The following FRY variants were observed in gnomAD, a reference collection of about 807,000 sequenced individuals.
FRY encodes protein furry homolog.
A neutral mutation model predicts 348.4 loss-of-function variants in FRY; 128 were observed. That is an observed-to-expected ratio of 0.37 (90% CI 0.32 to 0.43). The LOEUF (loss-of-function observed/expected upper bound fraction) is 0.43, where lower values mean the gene tolerates loss of function less well. Ranked by LOEUF, FRY falls within the 20% of genes least tolerant of loss-of-function variation. The probability of loss-of-function intolerance (pLI) is 1.00; values close to 1 mark genes in which losing one functional copy is unlikely to be tolerated. For missense variants in FRY, 2,736 were observed against 3,695.2 expected (o/e 0.74, Z 6.73); for synonymous variants, 1,370 against 1,374.7 (o/e 1.00, Z 0.08).
intron 58 of FRY, among the ~76,000 whole-genome samples, chr13:32,288,349 G>A (rs969134023): frequency 4.6e-5 from 7 of 152,160 alleles, no homozygotes; most frequent in African/African-American, 1.7e-4. Context: ...TAATTAGTCA[G>A]TGTAGCTGCT....
chr13:32,041,769 G>T (rs1037464494), intron 1 of FRY, among the ~76,000 whole-genome samples: 6 of 152,180 alleles, frequency 3.9e-5, no homozygotes, highest in African/African-American at 1.4e-4. Flanking sequence ...GAAAATCAGA[G>T]ATGTTTTTGT....
At chr13:32,238,961 C>A (rs1886363905) in intron 44 of FRY, among the ~76,000 whole-genome samples, 2 of 152,172 alleles carry the variant, frequency 1.3e-5, no homozygotes, top group Non-Finnish European at 2.9e-5. Context: ...CTCAGTTTGG[C>A]TCAGTTCAAT....
intron 55 of FRY, among the ~76,000 whole-genome samples, chr13:32,268,675 A>AT (rs1465336469): frequency 1.4e-5 from 2 of 144,662 alleles, no homozygotes; most frequent in African/African-American, 2.6e-5. Context: ...TCAATTTCCT[A>AT]TTTTTTGGGG....
chr13:32,291,328 T>C (rs1889344932), intron 59 of FRY, among the ~76,000 whole-genome samples: 1 of 152,172 alleles, frequency 6.6e-6, no homozygotes, highest in Non-Finnish European at 1.5e-5. Flanking sequence ...TTATAAGTTG[T>C]CAGATAATAG....
intron 14 of FRY, among the ~76,000 whole-genome samples, chr13:32,155,243 A>G (rs1046116539): frequency 1.3e-5 from 2 of 152,002 alleles, no homozygotes; most frequent in African/African-American, 4.8e-5. Flanking sequence ...AATATAGTAC[A>G]TGACCATCTC....
chr13:32,206,197 G>C (rs901661932), intron 31 of FRY, among the ~76,000 whole-genome samples: 1 of 152,108 alleles, frequency 6.6e-6, no homozygotes, highest in African/African-American at 2.4e-5. Flanking sequence ...GGAATGGAGA[G>C]AGCACAGAGT....
At chr13:32,179,836 A>C in intron 23 of FRY, 37 bp downstream of exon 23, 2 of 1,597,010 alleles carry the variant, frequency 1.3e-6, no homozygotes, top group East Asian at 4.5e-5. Context: ...AAATTCATAC[A>C]TGCTGCTGCT....
chr13:32,100,301 C>T (rs1232609733), intron 2 of FRY, among the ~76,000 whole-genome samples: 3 of 151,682 alleles, frequency 2.0e-5, no homozygotes, highest in Admixed American at 6.6e-5. Flanking sequence ...GGATGGTCTC[C>T]ATCTCTTGAC....
intron 31 of FRY, among the ~76,000 whole-genome samples, chr13:32,208,225 C>T (rs1018534741): frequency 1.3e-5 from 2 of 152,166 alleles, no homozygotes; most frequent in Non-Finnish European, 1.5e-5. Context: ...CCTAGAGATC[C>T]GCATGTCACT....
chr13:32,209,671 C>T lies in FRY; in HGVS notation c.4362C>T (p.Ile1454=). Residue 1454 remains isoleucine, a synonymous_variant, in exon 33 of 61, where the codon ATC becomes ATT. Coordinates refer to ENST00000542859, the MANE Select transcript of FRY (RefSeq NM_023037.3). ...AGAAATGGAGCAACAACCTGAGGAT[C>T]ACCTTGCAGTTCCTGATTAGCCTCT... ...NNEKWSNNLR[I]TLQFLISLCG... 1 of 1,614,022 alleles carries T rather than the reference C, an allele frequency of 6.2e-7. No individual in the cohort carries two copies. Among genetic ancestry groups the T allele is most frequent in the East Asian group, 2.2e-5 (1 of 44,886 alleles).
Position 32,295,379 on chromosome 13 carries a change from G to T in FRY, c.8961G>T (p.Arg2987=), listed in dbSNP as rs767322006. 2.5e-6 allele frequency: 4 copies of T among 1,613,360 alleles called. No individual in the cohort carries two copies. Among genetic ancestry groups the T allele is most frequent in the Non-Finnish European group, 3.4e-6 (4 of 1,179,884 alleles). ...TGATGGAGCTGAACATGGAGATCCG[G>T]GACATGATCCGCAGGGCCCAGAGTT... The part of the protein sequence containing the change: ...TKLMELNMEI[R]DMIRRAQSYR... The change falls in exon 61 of 61, where the codon CGG becomes CGT. Residue 2987 remains arginine, a synonymous_variant. Coordinates refer to ENST00000542859, the MANE Select transcript of FRY (RefSeq NM_023037.3).
chr13:32,083,429 C>T (rs571103833), intron 2 of FRY, among the ~76,000 whole-genome samples: 10 of 152,222 alleles, frequency 6.6e-5, no homozygotes, highest in African/African-American at 2.4e-4. Context: ...TCTGCTAACT[C>T]TTCTGTTTGT....
rs760244838 is a variant in FRY, at chr13:32,294,351, C to A, written c.8581-17C>A. On this transcript the variant is annotated splice_polypyrimidine_tract_variant and intron_variant, in intron 59 of 60. Coordinates refer to ENST00000542859, the MANE Select transcript of FRY (RefSeq NM_023037.3). ...CAGCACCTAAATATAGTTTAAAAAA[C>A]ATTTTTTTTTAAATAGCTGCTGAAT... 19 of 1,582,540 alleles carry A rather than the reference C, an allele frequency of 1.2e-5. 1 individual carries two copies. In the East Asian group the frequency reaches 3.8e-4, roughly 32 times the overall value.
chr13:32,099,052 T>A (rs1876973050), intron 2 of FRY, among the ~76,000 whole-genome samples: 2 of 151,904 alleles, frequency 1.3e-5, no homozygotes, highest in African/African-American at 4.8e-5. Flanking sequence ...GGTAAGATCA[T>A]CTTTGTGAGT....
At chr13:32,086,219 A>G (rs1037431081) in intron 2 of FRY, among the ~76,000 whole-genome samples, 1 of 152,190 alleles carries the variant, frequency 6.6e-6, no homozygotes, top group Admixed American at 6.5e-5. Context: ...AAATTTCAAG[A>G]ATTTTCAATC....
chr13:32,249,564 T>C lies in FRY; in HGVS notation c.7047T>C (p.Asn2349=). ...GGAGGCGGTATGATGAGCTGCAGAA[T>C]TCTTCTGGGCGTGATGGGAAGCCCA... The part of the protein sequence containing the change: ...IIGRRYDELQ[N]SSGRDGKPRA... Residue 2349 remains asparagine, a synonymous_variant, in exon 49 of 61, where the codon AAT becomes AAC. Coordinates refer to ENST00000542859, the MANE Select transcript of FRY (RefSeq NM_023037.3). 1 of 1,614,196 alleles carries C rather than the reference T, an allele frequency of 6.2e-7. No individual in the cohort carries two copies. The highest frequency in any genetic ancestry group is 8.5e-7 in the Non-Finnish European group (1 of 1,180,022).
chr13:32,216,879 C>T (rs1726369367), intron 35 of FRY, among the ~76,000 whole-genome samples: 1 of 152,178 alleles, frequency 6.6e-6, no homozygotes, highest in Admixed American at 6.5e-5. Flanking sequence ...TATGAAGTTA[C>T]TGGGGAAAAG....
At chr13:32,088,375 A>G (rs1876026708) in intron 2 of FRY, among the ~76,000 whole-genome samples, 1 of 152,246 alleles carries the variant, frequency 6.6e-6, no homozygotes, top group African/African-American at 2.4e-5. Context: ...AATTATAAAT[A>G]AATAACTTTT....
At chr13:32,116,356 T>C (rs1003476761) in intron 3 of FRY, among the ~76,000 whole-genome samples, 3 of 152,216 alleles carry the variant, frequency 2.0e-5, no homozygotes, top group African/African-American at 7.2e-5. Context: ...GTTTTACATA[T>C]TCTGGAGACA....
Sources: gnomAD v4.1 joint callset for allele counts (sites outside exome capture counted in the v4.1 genomes callset) on GRCh38, gnomAD v4.1.1 for gene constraint, MANE v1.5 for transcripts, NCBI Gene and HGNC (gene_info 2026-07-23, HGNC 2026-07-21) for gene names.